Variants in ATP8A1 observed in about 807,000 individuals in gnomAD.
ATP8A1 encodes the protein ATPase phospholipid transporting 8A1, also known as phospholipid-transporting ATPase IA.
A neutral mutation model predicts 177.7 loss-of-function variants in ATP8A1; 90 were observed. The observed-to-expected ratio is 0.51, with a 90% CI of 0.43 to 0.60. ATP8A1 has a LOEUF of 0.60. ATP8A1 is among the 20% of genes least tolerant of loss of function. ATP8A1 has a pLI of 0.00. For synonymous variants in ATP8A1, 493 were observed against 485.9 expected (o/e 1.01, Z -0.19); for missense variants, 1,072 against 1,392.8 (o/e 0.77, Z 3.67).
chr4:42,414,907 G>A, intron 35 of ATP8A1, 189 bp from the exon 36 acceptor site: 1 of 563,482 alleles, frequency 1.8e-6, no homozygotes, highest in Non-Finnish European at 3.2e-6. Flanking sequence ...GACTTTTGAG[G>A]CCATTTTCTC....
At chr4:42,561,617 C>T (rs540945290) in intron 15 of ATP8A1, 1 of 152,386 alleles carries the variant, frequency 6.6e-6, no homozygotes, top group South Asian at 2.1e-4. Flanking sequence ...TGGATGAGGT[C>T]TGTCTCTAAG....
At chr4:42,613,595 T>A (rs1736593643) in intron 5 of ATP8A1, among the ~76,000 whole-genome samples, 3 of 152,184 alleles carry the variant, frequency 2.0e-5, no homozygotes, top group Admixed American at 2.0e-4. Context: ...TTGTTTTTCT[T>A]TTTTTTAAGA....
intron 24 of ATP8A1, among the ~76,000 whole-genome samples, chr4:42,498,753 G>T (rs1172190587): frequency 1.3e-5 from 2 of 151,938 alleles, no homozygotes; most frequent in East Asian, 3.9e-4. Flanking sequence ...AGGTATTGTT[G>T]TATTTAATCC....
intron 1 of ATP8A1, among the ~76,000 whole-genome samples, chr4:42,630,415 C>CT (rs779797668): frequency 1.8e-4 from 28 of 152,300 alleles, no homozygotes; most frequent in Non-Finnish European, 3.1e-4. Context: ...ACTGAAAACT[C>CT]TGACGCTTTT....
intron 20 of ATP8A1, among the ~76,000 whole-genome samples, chr4:42,539,565 TATAGTAACCAAACA>T (rs1728183560): frequency 6.6e-6 from 1 of 152,092 alleles, no homozygotes; most frequent in Admixed American, 6.5e-5. Flanking sequence ...ATTACAAGGC[TATAGTAACCAAACA>T]ACATGGTATT....
In ATP8A1 at chr4:42,627,029, G is replaced by A. The variant is rs1231179826; in HGVS notation, c.130C>T (p.Pro44Ser). 3.1e-6 allele frequency: 5 copies of A among 1,614,074 alleles called. No homozygotes were observed. The highest frequency in any genetic ancestry group is 4.2e-6 in the Non-Finnish European group (5 of 1,179,962). The change falls in exon 2 of 37, where the codon CCC becomes TCC. Residue 44 changes from proline to serine, a missense_variant. Pro to Ser is a moderately conservative substitution (Grantham distance 74). Around this residue, in one of 5 missense-constraint regions of ATP8A1, gnomAD observed 344 missense variants for 393.5 expected, o/e 0.87. Transcript: ENST00000381668. ...EEVRTIFINQ[P>S]QLTKFCNNHV... The stretch of plus-strand genomic sequence containing the variant: ...TTATTGCAGAATTTTGTCAGCTGGG[G>A]CTGGTTGATGAAAATAGTCCTTACT...
intron 29 of ATP8A1, among the ~76,000 whole-genome samples, chr4:42,452,925 A>G (rs1207467402): frequency 6.6e-6 from 1 of 152,152 alleles, no homozygotes; most frequent in Admixed American, 6.5e-5. Flanking sequence ...CTGCCTCCCA[A>G]AATTTTCCAC....
At chr4:42,522,812 C>T (rs1044173100) in intron 21 of ATP8A1, among the ~76,000 whole-genome samples, 1 of 152,116 alleles carries the variant, frequency 6.6e-6, no homozygotes, top group African/African-American at 2.4e-5. Flanking sequence ...TTTGATGCAC[C>T]CTCCTCTCAC....
chr4:42,542,282 CATTTTTT>C (rs1184276080), intron 20 of ATP8A1, among the ~76,000 whole-genome samples: 2 of 151,918 alleles, frequency 1.3e-5, no homozygotes, highest in Non-Finnish European at 2.9e-5. Flanking sequence ...GGAAGTCCAT[CATTTTTT>C]ATTTTTTATT....
chr4:42,493,641 C>A (rs772232722), intron 24 of ATP8A1, among the ~76,000 whole-genome samples: 1 of 152,140 alleles, frequency 6.6e-6, no homozygotes, highest in African/African-American at 2.4e-5. Context: ...AGAAGGCCAA[C>A]TGTGTGGTAT....
intron 23 of ATP8A1, among the ~76,000 whole-genome samples, chr4:42,505,137 TTC>T (rs1724240944): frequency 1.3e-5 from 2 of 152,330 alleles, no homozygotes; most frequent in Middle Eastern, 3.4e-3. Flanking sequence ...TACTGTGCGT[TTC>T]TCTGACTAGT....
chr4:42,598,708 A>T (rs1416061750), intron 6 of ATP8A1, among the ~76,000 whole-genome samples: 1 of 152,168 alleles, frequency 6.6e-6, no homozygotes, highest in African/African-American at 2.4e-5. Flanking sequence ...CACATACATT[A>T]AATTTACTTG....
chr4:42,557,708 C>T (rs550674480), intron 15 of ATP8A1, among the ~76,000 whole-genome samples: 11 of 152,214 alleles, frequency 7.2e-5, no homozygotes, highest in African/African-American at 2.6e-4. Flanking sequence ...CTAAAGAACT[C>T]TTCTTCTAGA....
At position 42,522,240 on chromosome 4, in the gene ATP8A1, G is replaced by A. The variant is rs1241113212; in HGVS notation, c.1867C>T (p.Arg623Ter). 5.0e-6 allele frequency: 8 copies of A among 1,613,534 alleles called. No individual in the cohort carries two copies. The highest frequency in any genetic ancestry group is 5.9e-6 in the Non-Finnish European group (7 of 1,179,908). Residue 623 changes from arginine (R) to a stop codon, truncating the protein, a stop_gained, in exon 22 of 37, where the codon CGA becomes TGA. Coordinates refer to ENST00000381668, the MANE Select transcript of ATP8A1 (RefSeq NM_006095.2). LOFTEE classifies it high-confidence loss of function. ...GTAGATGCTCGCTGATAGACTGCTC[G>A]CCACTCCTGAAAGTCGCTCTCTGAA... ...EISESDFQEWRAVYQRASTSV... is the reference protein window; with the variant it reads ...EISESDFQEW
intron 34 of ATP8A1, among the ~76,000 whole-genome samples, chr4:42,423,180 A>C (rs1231377669): frequency 6.6e-6 from 1 of 152,136 alleles, no homozygotes; most frequent in Non-Finnish European, 1.5e-5. Context: ...GTGGGAAGAC[A>C]TAAGATTTTA....
At chr4:42,447,042 G>A (rs148663460) in intron 30 of ATP8A1, among the ~76,000 whole-genome samples, 117 of 152,242 alleles carry the variant, frequency 7.7e-4, no homozygotes, top group African/African-American at 2.7e-3. Flanking sequence ...GGGCCAAAAG[G>A]GATTCATAAA....
intron 20 of ATP8A1, among the ~76,000 whole-genome samples, chr4:42,534,011 G>T (rs1032191519): frequency 2.0e-5 from 3 of 152,142 alleles, no homozygotes; most frequent in African/African-American, 7.2e-5. Context: ...TGGGATGAAA[G>T]AATCTAAACA....
In ATP8A1 at chr4:42,586,434, T is replaced by C. The variant is rs1410933370; in HGVS notation, c.637A>G (p.Met213Val). The part of the protein sequence containing the change: ...TSDIKDVDSL[M>V]RISGRIECES... ...CACTCAATTCTGCCAGAAATCCTCATCAAACTGTCAACGTCTTTGATATCT... is the reference window on the plus strand; with the variant it reads ...CACTCAATTCTGCCAGAAATCCTCACCAAACTGTCAACGTCTTTGATATCT... The change falls in exon 9 of 37, where the codon ATG becomes GTG. Residue 213 changes from methionine (M) to valine (V), a missense_variant. Transcript: ENST00000381668. The C allele has an allele frequency of 1.2e-6, 2 of 1,614,172 alleles. No individual in the cohort carries two copies. The highest frequency in any genetic ancestry group is 8.5e-7 in the Non-Finnish European group (1 of 1,180,002).
At chr4:42,537,156 C>CA (rs1474796204) in intron 20 of ATP8A1, among the ~76,000 whole-genome samples, 1 of 149,042 alleles carries the variant, frequency 6.7e-6, no homozygotes, top group South Asian at 2.2e-4. Flanking sequence ...ACAAAAAAAC[C>CA]AAAAAAACCC....
Sources: allele counts gnomAD v4.1 joint callset (sites outside exome capture counted in the v4.1 genomes callset), GRCh38; gene constraint gnomAD v4.1.1; regional missense constraint gnomAD v4.1.1; transcripts MANE v1.5; gene names NCBI Gene and HGNC (gene_info 2026-07-23, HGNC 2026-07-21).